The following NSRP1 variants were observed in gnomAD, a reference collection of about 807,000 sequenced individuals.
The protein encoded by NSRP1 is coiled-coil domain containing 55.
NSRP1 carries 24 observed loss-of-function variants against 54.7 expected under a neutral mutation model. That is an observed-to-expected ratio of 0.44 (90% CI 0.32 to 0.62). The LOEUF (loss-of-function observed/expected upper bound fraction) is 0.62, where lower values mean the gene tolerates loss of function less well. Ranked by LOEUF, NSRP1 falls within the 20% of genes least tolerant of loss-of-function variation. The pLI is 0.06. For missense variants in NSRP1, 596 were observed against 651.2 expected (o/e 0.92, Z 0.92); for synonymous variants, 210 against 213.8 (o/e 0.98, Z 0.15).
chr17:30,144,991 G>C (rs2071840377), intron 2 of NSRP1, among the ~76,000 whole-genome samples: 1 of 151,936 alleles, frequency 6.6e-6, no homozygotes, highest in Non-Finnish European at 1.5e-5. Context: ...ATTTTGTTTT[G>C]AGTACATATG....
At chr17:30,138,566 A>C (rs947437695) in intron 2 of NSRP1, among the ~76,000 whole-genome samples, 2 of 152,240 alleles carry the variant, frequency 1.3e-5, no homozygotes, top group Non-Finnish European at 2.9e-5. Flanking sequence ...AACAAGGAAA[A>C]AAGCCTATAC....
In NSRP1 at chr17:30,118,121, C is replaced by G. The variant is rs374021693; in HGVS notation, c.62C>G (p.Pro21Arg). ...CCAAAGAAAACACAGCAGTTGCACC[C>G]TGTTTTGCAAAAACCATCAGTGTTT... is the stretch of plus-strand genomic sequence containing the variant. ...ILPKKTQQLH[P>R]VLQKPSVFGN... The change falls in exon 2 of 7, where the codon CCT becomes CGT. Residue 21 changes from proline to arginine, a missense_variant. Pro to Arg is a moderately radical substitution (Grantham distance 103). Coordinates refer to ENST00000247026, the MANE Select transcript of NSRP1 (RefSeq NM_032141.4). 2 of 1,613,764 alleles carry G rather than the reference C, an allele frequency of 1.2e-6. No individual in the cohort carries two copies. The highest frequency in any genetic ancestry group is 1.7e-6 in the Non-Finnish European group (2 of 1,179,872).
At chr17:30,156,815 C>T (rs902714218) in intron 2 of NSRP1, among the ~76,000 whole-genome samples, 11 of 152,038 alleles carry the variant, frequency 7.2e-5, no homozygotes, top group Non-Finnish European at 1.6e-4. Flanking sequence ...CACTGTGCCC[C>T]GCTGATTCCA....
chr17:30,124,577 C>T (rs139742759), intron 2 of NSRP1, among the ~76,000 whole-genome samples: 59 of 152,190 alleles, frequency 3.9e-4, no homozygotes, highest in Middle Eastern at 6.8e-3. Flanking sequence ...ATGAGGCAGT[C>T]GAGAGATTAG....
At chr17:30,165,831 C>A (rs1904712509) in intron 2 of NSRP1, among the ~76,000 whole-genome samples, 2 of 152,100 alleles carry the variant, frequency 1.3e-5, no homozygotes, top group Non-Finnish European at 2.9e-5. Flanking sequence ...AAAACATATA[C>A]AGCCTTTTAA....
intron 2 of NSRP1, among the ~76,000 whole-genome samples, chr17:30,156,335 C>G (rs532060773): frequency 1.5e-5 from 1 of 68,488 alleles, no homozygotes; most frequent in East Asian, 1.1e-3. Flanking sequence ...TTATCTCTCC[C>G]CTCCCCCAAG....
At chr17:30,159,362 G>A (rs542228860) in intron 2 of NSRP1, among the ~76,000 whole-genome samples, 1 of 151,852 alleles carries the variant, frequency 6.6e-6, no homozygotes, top group African/African-American at 2.4e-5. Context: ...TTTTTTTTGT[G>A]TGTGTGTGTA....
At chr17:30,171,623 T>C (rs1255114388) in intron 2 of NSRP1, among the ~76,000 whole-genome samples, 2 of 152,124 alleles carry the variant, frequency 1.3e-5, no homozygotes, top group Non-Finnish European at 2.9e-5. Flanking sequence ...TGTGATTATT[T>C]CTTTAATTGT....
Position 30,118,169 on chromosome 17 carries a change from A to G in NSRP1, c.110A>G (p.Asp37Gly), listed in dbSNP as rs1157781743. 6 of 1,612,952 alleles carry G rather than the reference A, an allele frequency of 3.7e-6. No individual in the cohort carries two copies. The South Asian group carries it at 6.6e-5, about 18-fold the overall frequency. Residue 37 changes from aspartate to glycine, a missense_variant, in exon 2 of 7, where the codon GAT (aspartate) becomes GGT (glycine). Asp to Gly is a moderately conservative substitution (Grantham distance 94). Coordinates refer to ENST00000247026, the MANE Select transcript of NSRP1 (RefSeq NM_032141.4). ...TTTGGGAATGATTCTGATGATGATG[A>G]TGAGGTAAGGAAACCTATGTTTTAC... ...SVFGNDSDDD[D>G]ETSVSESLQR...
At chr17:30,160,200 G>A (rs1209542138) in intron 2 of NSRP1, among the ~76,000 whole-genome samples, 1 of 152,120 alleles carries the variant, frequency 6.6e-6, no homozygotes, top group Non-Finnish European at 1.5e-5. Flanking sequence ...GATTTGGTTT[G>A]GTAGTATTTT....
At chr17:30,120,492 T>C (rs1481499386) in intron 2 of NSRP1, among the ~76,000 whole-genome samples, 1 of 152,236 alleles carries the variant, frequency 6.6e-6, no homozygotes, top group African/African-American at 2.4e-5. Context: ...CAGTTTTGCA[T>C]CTATATAGCC....
chr17:30,151,595 G>T (rs1447596167), intron 2 of NSRP1, among the ~76,000 whole-genome samples: 2 of 152,068 alleles, frequency 1.3e-5, no homozygotes, highest in Non-Finnish European at 2.9e-5. Flanking sequence ...GAGAAGGAGG[G>T]ATTGGTCTTA....
rs1478447183 is a variant in NSRP1, at chr17:30,118,095, G to T, written c.36G>T (p.Leu12Phe). 1 of 1,613,016 alleles carries T rather than the reference G, an allele frequency of 6.2e-7. No homozygotes were observed. Among genetic ancestry groups the T allele is most frequent in the Non-Finnish European group, 8.5e-7 (1 of 1,179,450 alleles). ...ATATATGCAGGTATGGGCTTATTTTGCCAAAGAAAACACAGCAGTTGCACC... is the reference window on the plus strand; with the variant it reads ...ATATATGCAGGTATGGGCTTATTTTTCCAAAGAAAACACAGCAGTTGCACC... ...AIPGRQYGLI[L>F]PKKTQQLHPV... Residue 12 changes from leucine (L) to phenylalanine (F), a missense_variant, in exon 2 of 7, where the codon TTG (leucine) becomes TTT (phenylalanine). Coordinates refer to ENST00000247026, the MANE Select transcript of NSRP1 (RefSeq NM_032141.4).
chr17:30,132,801 T>C (rs567144196), intron 2 of NSRP1, among the ~76,000 whole-genome samples: 1 of 152,328 alleles, frequency 6.6e-6, no homozygotes, highest in East Asian at 1.9e-4. Context: ...CTCATGTTAA[T>C]GATGTTTGGC....
chr17:30,175,209 T>C (rs1385355099), intron 3 of NSRP1, among the ~76,000 whole-genome samples: 1 of 152,192 alleles, frequency 6.6e-6, no homozygotes, highest in Admixed American at 6.5e-5. Context: ...TCCCTCTAAG[T>C]ACTTCTGTAG....
At chr17:30,123,032 G>A (rs1485530577) in intron 2 of NSRP1, among the ~76,000 whole-genome samples, 2 of 147,108 alleles carry the variant, frequency 1.4e-5, no homozygotes, top group Admixed American at 1.3e-4. Flanking sequence ...CAATCCTCCT[G>A]CCTCAGCTTC....
chr17:30,184,697 C>A lies in NSRP1; in HGVS notation c.700C>A (p.Leu234Ile), dbSNP rs1189713038. The change falls in exon 7 of 7, where the codon CTT (leucine) becomes ATT (isoleucine). Residue 234 changes from leucine to isoleucine, a missense_variant. Transcript: ENST00000247026. Reference protein sequence around the residue: ...KNRIPQEKCILQTDVKVEENP... With the variant: ...KNRIPQEKCIIQTDVKVEENP... ...CAGAATACCACAAGAGAAATGCATTCTTCAAACTGATGTGAAAGTAGAGGA... is the reference window on the plus strand; with the variant it reads ...CAGAATACCACAAGAGAAATGCATTATTCAAACTGATGTGAAAGTAGAGGA... The A allele has an allele frequency of 6.2e-7, 1 of 1,613,686 alleles. No homozygotes were observed. The highest frequency in any genetic ancestry group is 1.7e-5 in the Admixed American group (1 of 59,974).
At chr17:30,131,891 C>A (rs1474619959) in intron 2 of NSRP1, among the ~76,000 whole-genome samples, 1 of 152,140 alleles carries the variant, frequency 6.6e-6, no homozygotes, top group Admixed American at 6.6e-5. Context: ...ATGTAATAAT[C>A]TAAATTCTTT....
At chr17:30,140,766 G>A (rs1381999383) in intron 2 of NSRP1, among the ~76,000 whole-genome samples, 2 of 152,050 alleles carry the variant, frequency 1.3e-5, no homozygotes, top group African/African-American at 2.4e-5. Flanking sequence ...CTGACCTCGT[G>A]ATCCGCACTC....
Sources: gnomAD v4.1 joint callset for allele counts (sites outside exome capture counted in the v4.1 genomes callset) on GRCh38, gnomAD v4.1.1 for gene constraint, MANE v1.5 for transcripts, NCBI Gene and HGNC (gene_info 2026-07-23, HGNC 2026-07-21) for gene names.